The following COL23A1 variants were observed in gnomAD, a reference collection of about 807,000 sequenced individuals.
COL23A1 encodes the protein collagen type XXIII alpha 1 chain.
A neutral mutation model predicts 99.3 loss-of-function variants in COL23A1; 97 were observed. The observed-to-expected ratio is 0.98, with a 90% CI of 0.83 to 1.16. The LOEUF (loss-of-function observed/expected upper bound fraction) is 1.16, where lower values mean the gene tolerates loss of function less well. Among genes scored for constraint, COL23A1 ranks in the 50% most tolerant of loss-of-function variants. The pLI is 0.00. For synonymous variants in COL23A1, 320 were observed against 308.2 expected (o/e 1.04, Z -0.40); for missense variants, 762 against 757.4 (o/e 1.01, Z -0.07).
chr5:178,275,514 A>T (rs1205710729), intron 5 of COL23A1, among the ~76,000 whole-genome samples: 2 of 152,182 alleles, frequency 1.3e-5, no homozygotes, highest in Non-Finnish European at 2.9e-5. Context: ...AAAGTTAATT[A>T]GGGAAGAAGG....
chr5:178,548,979 C>T (rs1562079600), intron 2 of COL23A1, among the ~76,000 whole-genome samples: 1 of 152,096 alleles, frequency 6.6e-6, no homozygotes, highest in Non-Finnish European at 1.5e-5. Context: ...AATGACTAGA[C>T]CTGCAAGCAT....
chr5:178,264,469 C>T (rs181481394), intron 8 of COL23A1, among the ~76,000 whole-genome samples: 8 of 152,128 alleles, frequency 5.3e-5, no homozygotes, highest in Non-Finnish European at 7.4e-5. Context: ...TGGCCCAACC[C>T]GAGAGGAAGG....
At chr5:178,502,896 G>A (rs7704489) in intron 2 of COL23A1, among the ~76,000 whole-genome samples, 2,502 of 152,258 alleles carry the variant, frequency 0.016, 84 homozygotes, top group African/African-American at 0.057. Context: ...CGCAGCACAC[G>A]CTGCACGCAG....
At chr5:178,345,603 G>A (rs1310213141) in intron 2 of COL23A1, among the ~76,000 whole-genome samples, 3 of 151,100 alleles carry the variant, frequency 2.0e-5, no homozygotes, top group East Asian at 1.9e-4. Context: ...TGCAAGCTCC[G>A]CCTCCTGGGT....
chr5:178,522,291 C>T (rs2113073021), intron 2 of COL23A1, among the ~76,000 whole-genome samples: 1 of 152,220 alleles, frequency 6.6e-6, no homozygotes, highest in South Asian at 2.1e-4. Flanking sequence ...ACTAACCAGG[C>T]GAGTTACTGC....
intron 2 of COL23A1, among the ~76,000 whole-genome samples, chr5:178,351,627 G>T (rs915685215): frequency 4.6e-5 from 7 of 152,132 alleles, no homozygotes; most frequent in Non-Finnish European, 1.0e-4. Flanking sequence ...CGCAGGCCGG[G>T]GCAAGGTTTG....
chr5:178,394,646 G>A (rs1212405991), intron 2 of COL23A1, among the ~76,000 whole-genome samples: 1 of 152,200 alleles, frequency 6.6e-6, no homozygotes, highest in Non-Finnish European at 1.5e-5. Context: ...CAGCCTCCTG[G>A]TTCCTGAGTC....
At chr5:178,586,686 T>G (rs535502146) in intron 1 of COL23A1, among the ~76,000 whole-genome samples, 1 of 152,282 alleles carries the variant, frequency 6.6e-6, no homozygotes, top group South Asian at 2.1e-4. Context: ...GAAACTTTTT[T>G]TTGTTGTTTT....
In COL23A1 at chr5:178,315,784, T is replaced by TTC. The variant is rs869151464; in HGVS notation, c.362-8866_362-8865insGA. 8.6e-4 allele frequency among the ~76,000 whole-genome samples: 127 copies of TTC among 146,962 alleles called. 1 individual carries two copies. The highest frequency in any genetic ancestry group is 3.1e-3 in the African/African-American group (121 of 39,140). On this transcript the variant is annotated intron_variant, in intron 2 of 28. Coordinates refer to ENST00000390654, the MANE Select transcript of COL23A1 (RefSeq NM_173465.4). Reference sequence around the variant, plus strand: ...TGACTTTTTTTTTTTTTTTTTTTTTTCAAGACAAATAATCTTTTATTCATA... The same window carrying TTC: ...TGACTTTTTTTTTTTTTTTTTTTTTTTCCAAGACAAATAATCTTTTATTCATA...
At chr5:178,451,333 G>A (rs2127866261) in intron 2 of COL23A1, among the ~76,000 whole-genome samples, 1 of 152,186 alleles carries the variant, frequency 6.6e-6, no homozygotes, top group South Asian at 2.1e-4. Flanking sequence ...AAGAAGCAAT[G>A]AAAGAATTTA....
chr5:178,328,436 TAA>T (rs1759820503), intron 2 of COL23A1, among the ~76,000 whole-genome samples: 1 of 152,206 alleles, frequency 6.6e-6, no homozygotes. Context: ...AGCAGCCTGG[TAA>T]AGAGAGACCC....
Position 178,247,275 on chromosome 5 carries a change from G to A in COL23A1, c.1296+251C>T, listed in dbSNP as rs984260220. ...AACGGTGGTGGACCTGAGGAGGAGA[G>A]AGGGACAGACTGGGGTCCCGGGCAG... On this transcript the variant is annotated intron_variant, in intron 22 of 28. Transcript: ENST00000390654. Among the ~76,000 whole-genome samples, 7 of 152,204 alleles carry A rather than the reference G, an allele frequency of 4.6e-5. No homozygotes were observed. In the East Asian group the frequency reaches 7.8e-4, roughly 17 times the overall value.
rs1315417741 is a variant in COL23A1, at chr5:178,468,801, A to G, written c.361+91881T>C. ...CCATCTTCACCATTTTTACGGGTAC[A>G]GCTCAGTGCATCAGGTGCATTCACA... is the stretch of plus-strand genomic sequence containing the variant. On this transcript the variant is annotated intron_variant, in intron 2 of 28. Transcript: ENST00000390654. This position sits in a 1 kb window ranked among gnomAD's most constrained non-coding sequence, Gnocchi z 4.2. Among the ~76,000 whole-genome samples, 1 of 152,246 alleles carries G rather than the reference A, an allele frequency of 6.6e-6. No individual in the cohort carries two copies. Among genetic ancestry groups the G allele is most frequent in the Non-Finnish European group, 1.5e-5 (1 of 68,038 alleles).
chr5:178,479,433 A>G (rs1244259009), intron 2 of COL23A1, among the ~76,000 whole-genome samples: 1 of 152,108 alleles, frequency 6.6e-6, no homozygotes, highest in South Asian at 2.1e-4. Context: ...CCTGCCATGG[A>G]GATGCCGGCT....
At chr5:178,438,214 C>T (rs911931578) in intron 2 of COL23A1, among the ~76,000 whole-genome samples, 1 of 152,192 alleles carries the variant, frequency 6.6e-6, no homozygotes, top group Non-Finnish European at 1.5e-5. Context: ...GTAACACAGT[C>T]CAACTTTACA....
chr5:178,518,425 C>A (rs982539788), intron 2 of COL23A1, among the ~76,000 whole-genome samples: 2 of 150,006 alleles, frequency 1.3e-5, no homozygotes, highest in South Asian at 2.1e-4. Flanking sequence ...ACCTCCCAGA[C>A]GGGGTGGTGG....
intron 2 of COL23A1, among the ~76,000 whole-genome samples, chr5:178,327,618 C>T (rs1397950602): frequency 6.6e-6 from 1 of 152,166 alleles, no homozygotes; most frequent in African/African-American, 2.4e-5. Flanking sequence ...GAGACCGGGG[C>T]TCAGGCGACT....
At chr5:178,240,647 C>T (rs555784245) in intron 27 of COL23A1, among the ~76,000 whole-genome samples, 22 of 152,334 alleles carry the variant, frequency 1.4e-4, no homozygotes, top group Non-Finnish European at 2.9e-4. Flanking sequence ...CCTTTCTGTG[C>T]GCTGACCACT....
At position 178,306,359 on chromosome 5, in the gene COL23A1, G is replaced by T. The variant is rs1318867275; in HGVS notation, c.406+516C>A. ...GGGGCAATCTGCTGGGGACTGGGTA[G>T]GGGGAGTTCTGGGTGAAGCAGAGAC... On this transcript the variant is annotated intron_variant, in intron 3 of 28. Transcript: ENST00000390654. This position sits in a 1 kb window ranked among gnomAD's most constrained non-coding sequence, Gnocchi z 4.1. 6.6e-6 allele frequency among the ~76,000 whole-genome samples: 1 copy of T among 151,994 alleles called. No homozygotes were observed. Among genetic ancestry groups the T allele is most frequent in the Non-Finnish European group, 1.5e-5 (1 of 67,978 alleles).
Sources: gnomAD v4.1 joint callset for allele counts (sites outside exome capture counted in the v4.1 genomes callset) on GRCh38, gnomAD v4.1.1 for gene constraint, Gnocchi (gnomAD v3.1) non-coding constraint, MANE v1.5 for transcripts, NCBI Gene and HGNC (gene_info 2026-07-23, HGNC 2026-07-21) for gene names.